Variants in ILDR2 observed in about 807,000 individuals in gnomAD.
ILDR2 encodes immunoglobulin-like domain-containing receptor 2.
In ILDR2, 25 loss-of-function variants were observed where a neutral mutation model predicts 66.8. The observed-to-expected ratio is 0.37, with a 90% CI of 0.27 to 0.52. ILDR2 has a LOEUF of 0.52. ILDR2 is among the 20% of genes least tolerant of loss of function. The pLI, the probability that ILDR2 is intolerant of heterozygous loss-of-function variation, is 0.88. For missense variants in ILDR2, 827 were observed against 876.8 expected (o/e 0.94, Z 0.72); for synonymous variants, 367 against 357.2 (o/e 1.03, Z -0.31).
chr1:166,941,398 C>A (rs1320498560), intron 3 of ILDR2, among the ~76,000 whole-genome samples: 1 of 152,188 alleles, frequency 6.6e-6, no homozygotes, highest in Non-Finnish European at 1.5e-5. Flanking sequence ...AAGGCTTACG[C>A]AGTTCCCTAG....
At position 166,913,020 on chromosome 1, in the gene ILDR2, A is replaced by C. The variant is rs1368552585; in HGVS notation, c.*6335T>G. 6.6e-6 allele frequency: 1 copy of C among 152,226 alleles called. No homozygotes were observed. Among genetic ancestry groups the C allele is most frequent in the East Asian group, 1.9e-4 (1 of 5,202 alleles). The allele number at this position is 152,226 out of a possible 1,614,324, so 9.4% of individuals were successfully genotyped here. A position where few individuals can be genotyped will look rare whatever the true frequency, so the allele number is the denominator to read the frequency against. On this transcript the variant is annotated 3_prime_UTR_variant, in exon 10 of 10. Coordinates refer to ENST00000271417, the MANE Select transcript of ILDR2 (RefSeq NM_199351.3). ...TATCTAGCTTATTACAATCTGTAAA[A>C]GCATACCTTTTGCTCTGTCAGTACC...
intron 6 of ILDR2, among the ~76,000 whole-genome samples, chr1:166,930,282 A>G (rs1346053205): frequency 2.0e-5 from 3 of 152,236 alleles, no homozygotes; most frequent in Non-Finnish European, 4.4e-5. Context: ...GTAACCATTT[A>G]TAGCCTCAAA....
At chr1:166,907,341 T>C (rs1304526348), downstream of ILDR2, among the ~76,000 whole-genome samples, 6 of 152,228 alleles carry the variant, frequency 3.9e-5, no homozygotes, top group African/African-American at 1.4e-4. Flanking sequence ...AGGTTTCCTT[T>C]TGAAAATTCC....
At chr1:166,899,450 G>C (rs1659226416) in intron 2 of ILDR2, among the ~76,000 whole-genome samples, 2 of 152,136 alleles carry the variant, frequency 1.3e-5, no homozygotes, top group Middle Eastern at 3.5e-3. Flanking sequence ...TATCCTCAAG[G>C]AGTTTACAGT....
At position 166,921,036 on chromosome 1, in the gene ILDR2, C is replaced by T. The variant is rs867537335; in HGVS notation, c.1555G>A (p.Gly519Ser). 1.3e-6 allele frequency: 2 copies of T among 1,510,956 alleles called. No individual in the cohort carries two copies. Among genetic ancestry groups the T allele is most frequent in the Admixed American group, 2.2e-5 (1 of 46,230 alleles). 93.6% of individuals were successfully genotyped at this position (1,510,956 alleles called of 1,614,324 possible). Reference protein sequence around the residue: ...HLPRLVSRTPGTAPKYDHSYL... With the variant: ...HLPRLVSRTPSTAPKYDHSYL... ...GAGTGGTCGTATTTGGGTGCGGTGC[C>T]TGGCGTGCGGCTCACCAGCCGCGGC... The change falls in exon 9 of 10, where the codon GGC (glycine) becomes AGC (serine). Residue 519 changes from glycine (G) to serine (S), a missense_variant. Gly to Ser is a moderately conservative substitution (Grantham distance 56). This residue lies in a region of ILDR2 where 390 missense variants were observed against 353.6 expected (regional missense o/e 1.10). Coordinates refer to ENST00000271417, the MANE Select transcript of ILDR2 (RefSeq NM_199351.3). This position sits in a 1 kb window ranked among gnomAD's most constrained non-coding sequence, Gnocchi z 5.3.
At chr1:166,952,769 T>C (rs77171492) in intron 3 of ILDR2, among the ~76,000 whole-genome samples, 1 of 147,620 alleles carries the variant, frequency 6.8e-6, no homozygotes, top group Non-Finnish European at 1.5e-5. Flanking sequence ...AGTAACCACA[T>C]TTTTTTTTTA....
intron 2 of ILDR2, among the ~76,000 whole-genome samples, chr1:166,898,668 A>T (rs1050720854): frequency 4.6e-5 from 7 of 152,328 alleles, no homozygotes; most frequent in Admixed American, 4.6e-4. Flanking sequence ...ATGATATGAC[A>T]TGATGAGATC....
downstream of ILDR2, among the ~76,000 whole-genome samples, chr1:166,906,875 T>C (rs1659360380): frequency 6.6e-6 from 1 of 152,196 alleles, no homozygotes; most frequent in Non-Finnish European, 1.5e-5. Context: ...GAATAAACTG[T>C]GTGATGCTCT....
chr1:166,915,983 G>A lies in ILDR2; in HGVS notation c.*3372C>T, dbSNP rs1304756802. ...GCTGAGCTCCCCTGTGAACGTGCTT[G>A]GATGGAATAGCTGCCATGCACCAGG... On this transcript the variant is annotated 3_prime_UTR_variant, in exon 10 of 10. Coordinates refer to ENST00000271417, the MANE Select transcript of ILDR2 (RefSeq NM_199351.3). 1.3e-5 allele frequency: 2 copies of A among 152,274 alleles called. No homozygotes were observed. Among genetic ancestry groups the A allele is most frequent in the African/African-American group, 2.4e-5 (1 of 41,428 alleles). The allele number at this position is 152,274 out of a possible 1,614,324, so 9.4% of individuals were successfully genotyped here. A position where few individuals can be genotyped will look rare whatever the true frequency, so the allele number is the denominator to read the frequency against.
intron 1 of ILDR2, among the ~76,000 whole-genome samples, chr1:166,962,296 A>G (rs1662668739): frequency 6.6e-6 from 1 of 151,838 alleles, no homozygotes; most frequent in Non-Finnish European, 1.5e-5. Context: ...CTTTCTCTCA[A>G]CCTGTGTTTA....
chr1:166,923,887 T>G (rs1660113183), intron 7 of ILDR2, among the ~76,000 whole-genome samples: 1 of 152,250 alleles, frequency 6.6e-6, no homozygotes, highest in South Asian at 2.1e-4. Flanking sequence ...GTCCTTTAAT[T>G]AGAACTTCAA....
intron 1 of ILDR2, among the ~76,000 whole-genome samples, chr1:166,961,191 A>G (rs867038139): frequency 6.6e-6 from 1 of 152,198 alleles, no homozygotes; most frequent in Non-Finnish European, 1.5e-5. Context: ...GGTTTGGTGT[A>G]CAGACCATTT....
At position 166,918,877 on chromosome 1, in the gene ILDR2, G is replaced by T. The variant is rs1389765579; in HGVS notation, c.*478C>A. 5.4e-6 allele frequency: 1 copy of T among 186,418 alleles called. No individual in the cohort carries two copies. The highest frequency in any genetic ancestry group is 1.3e-4 in the East Asian group (1 of 7,626). The allele number at this position is 186,418 out of a possible 1,614,324, so 11.5% of individuals were successfully genotyped here. A position where few individuals can be genotyped will look rare whatever the true frequency, so the allele number is the denominator to read the frequency against. Reference sequence around the variant, plus strand: ...GACTGTAAAGTGATGGGGATAAAAGGTATATTTTGACTTGAAGCTATCTTC... The same window carrying T: ...GACTGTAAAGTGATGGGGATAAAAGTTATATTTTGACTTGAAGCTATCTTC... On this transcript the variant is annotated 3_prime_UTR_variant, in exon 10 of 10. Transcript: ENST00000271417.
chr1:166,942,821 T>C (rs543051248), intron 3 of ILDR2, among the ~76,000 whole-genome samples: 2 of 152,362 alleles, frequency 1.3e-5, no homozygotes, highest in East Asian at 3.9e-4. Flanking sequence ...TCTAGGGAGC[T>C]AGAATGAGCA....
Position 166,920,872 on chromosome 1 carries a change from G to C in ILDR2, c.1719C>G (p.Thr573=). The C allele has an allele frequency of 1.3e-6, 2 of 1,496,444 alleles. No homozygotes were observed. Among genetic ancestry groups the C allele is most frequent in the South Asian group, 1.3e-5 (1 of 79,844 alleles). The allele number at this position is 1,496,444 out of a possible 1,614,324, so 92.7% of individuals were successfully genotyped here. Residue 573 remains threonine (T), a synonymous_variant, in exon 9 of 10, where the codon ACC becomes ACG. Coordinates refer to ENST00000271417, the MANE Select transcript of ILDR2 (RefSeq NM_199351.3). ...ASYYAWSPPG[T]YKAGSSQDDQ... The stretch of plus-strand genomic sequence containing the variant: ...CGTCCTGCGACGAGCCGGCCTTGTA[G>C]GTGCCGGGCGGCGACCAAGCGTAGT...
intron 9 of ILDR2, among the ~76,000 whole-genome samples, 178 bp from the exon 10 acceptor site, chr1:166,919,568 C>T (rs1315548680): frequency 6.6e-6 from 1 of 152,204 alleles, no homozygotes; most frequent in Non-Finnish European, 1.5e-5. Flanking sequence ...AGGCTAAAGC[C>T]AGCATACATC....
intron 3 of ILDR2, among the ~76,000 whole-genome samples, chr1:166,948,314 T>A (rs1410093531): frequency 2.0e-5 from 3 of 152,132 alleles, no homozygotes; most frequent in Non-Finnish European, 4.4e-5. Context: ...TTGCCAGAAA[T>A]TATTAAAAGT....
rs753368946 is a variant in ILDR2, at chr1:166,921,332, G to A, written c.1259C>T (p.Thr420Met). 5.7e-6 allele frequency: 9 copies of A among 1,585,312 alleles called. No homozygotes were observed. Among genetic ancestry groups the A allele is most frequent in the Admixed American group, 1.7e-5 (1 of 58,472 alleles). The change falls in exon 9 of 10, where the codon ACG becomes ATG. Residue 420 changes from threonine (T) to methionine (M), a missense_variant. Coordinates refer to ENST00000271417, the MANE Select transcript of ILDR2 (RefSeq NM_199351.3). This position sits in a 1 kb window ranked among gnomAD's most constrained non-coding sequence, Gnocchi z 5.3. ...SEMLSRKNFA[T>M]GVPAVSMDEL... ...GTCCATGGAAACGGCCGGCACCCCC[G>A]TGGCGAAGTTCTTCCGCGACAGCAT...
At chr1:166,965,576 TTTTTTG>T (rs1032956678) in intron 1 of ILDR2, among the ~76,000 whole-genome samples, 4 of 147,772 alleles carry the variant, frequency 2.7e-5, no homozygotes, top group South Asian at 2.2e-4. Context: ...TTTTGTTTTT[TTTTTTG>T]TTTTTTTTTT....
Sources: allele counts gnomAD v4.1 joint callset (sites outside exome capture counted in the v4.1 genomes callset), GRCh38; gene constraint gnomAD v4.1.1; regional missense constraint gnomAD v4.1.1; non-coding constraint Gnocchi (gnomAD v3.1); transcripts MANE v1.5; gene names NCBI Gene and HGNC (gene_info 2026-07-23, HGNC 2026-07-21).